The following SRGAP2C variants were observed in gnomAD, a reference collection of about 807,000 sequenced individuals.
SRGAP2C encodes the protein SLIT-ROBO Rho GTPase activating protein 2C, also known as SLIT-ROBO Rho GTPase-activating protein 2C.
In SRGAP2C, 15 loss-of-function variants were observed where a neutral mutation model predicts 25.1. The observed-to-expected ratio is 0.60, with a 90% CI of 0.40 to 0.92. The LOEUF is 0.92. SRGAP2C is among the 40% of genes least tolerant of loss of function. The pLI is 0.00. For missense variants in SRGAP2C, 144 were observed against 264.4 expected (o/e 0.54, Z 3.16); for synonymous variants, 44 against 96.6 (o/e 0.46, Z 3.19).
In SRGAP2C at chr1:121,207,712, G is replaced by A. The variant is rs587729711; in HGVS notation, c.67+20199G>A. Among the ~76,000 whole-genome samples, 49 of 152,246 alleles carry A rather than the reference G, an allele frequency of 3.2e-4. No individual in the cohort carries two copies. The South Asian group carries it at 8.9e-3, about 28-fold the overall frequency. On this transcript the variant is annotated intron_variant, in intron 2 of 9. Transcript: ENST00000367123. ...ATAGGAAATTATATTTCAGATATTG[G>A]CAGTTGAACTTAATGTATTCTATTC...
At chr1:121,266,432 A>C (rs148563796) in intron 2 of SRGAP2C, among the ~76,000 whole-genome samples, 2 of 151,902 alleles carry the variant, frequency 1.3e-5, no homozygotes, top group African/African-American at 4.8e-5. Context: ...TTATTAGCTC[A>C]TCACCCCTAA....
At chr1:121,198,223 C>T (rs1654886220) in intron 2 of SRGAP2C, among the ~76,000 whole-genome samples, 2 of 141,346 alleles carry the variant, frequency 1.4e-5, no homozygotes, top group African/African-American at 2.6e-5. Context: ...GGACATGTTC[C>T]TCCATTTTGG....
At chr1:121,188,188 T>A (rs1553319243) in intron 2 of SRGAP2C, among the ~76,000 whole-genome samples, 1 of 152,176 alleles carries the variant, frequency 6.6e-6, no homozygotes, top group Non-Finnish European at 1.5e-5. Context: ...TTGGTGCTGA[T>A]TCTGGAAAAT....
Position 121,327,172 on chromosome 1 carries a change from C to G in SRGAP2C, c.423+2532C>G, listed in dbSNP as rs1658333234. On this transcript the variant is annotated intron_variant, in intron 4 of 9. Coordinates refer to ENST00000367123, the MANE Select transcript of SRGAP2C (RefSeq NM_001329984.2). ...AAGCACCATGGATCATTCCTGTAATCCCAACAACTCAGGAGGTCAAGGTGG... is the reference window on the plus strand; with the variant it reads ...AAGCACCATGGATCATTCCTGTAATGCCAACAACTCAGGAGGTCAAGGTGG... Among the ~76,000 whole-genome samples the G allele has an allele frequency of 2.2e-5, 3 of 139,116 alleles. No individual in the cohort carries two copies. In the Admixed American group the frequency reaches 2.2e-4, roughly 10 times the overall value. 91.3% of individuals were successfully genotyped at this position (139,116 alleles called of 152,430 possible).
At chr1:121,379,157 G>A (rs1348673907) in intron 7 of SRGAP2C, among the ~76,000 whole-genome samples, 5 of 152,190 alleles carry the variant, frequency 3.3e-5, no homozygotes, top group African/African-American at 1.2e-4. Context: ...AGGGAACTTG[G>A]CTGTTTCAGT....
At chr1:121,249,580 A>ATTTT (rs1159053572) in intron 2 of SRGAP2C, among the ~76,000 whole-genome samples, 21 of 22,362 alleles carry the variant, frequency 9.4e-4, no homozygotes, top group South Asian at 2.9e-3. Context: ...ATATATATAT[A>ATTTT]TTTTTTTTTT....
intron 2 of SRGAP2C, among the ~76,000 whole-genome samples, chr1:121,247,009 GAA>G (rs1656236359): frequency 9.2e-5 from 12 of 130,442 alleles, no homozygotes; most frequent in Admixed American, 4.9e-4. Context: ...GAGGCACTTA[GAA>G]AATTGCTCCT....
chr1:121,279,889 A>C (rs1657202671), intron 2 of SRGAP2C, among the ~76,000 whole-genome samples: 1 of 144,716 alleles, frequency 6.9e-6, no homozygotes, highest in Non-Finnish European at 1.5e-5. Flanking sequence ...TAATTCATAC[A>C]CACGGGGAAA....
chr1:121,242,084 AT>A (rs1179828267), intron 2 of SRGAP2C, among the ~76,000 whole-genome samples: 1 of 122,530 alleles, frequency 8.2e-6, no homozygotes, highest in Non-Finnish European at 1.7e-5. Flanking sequence ...GTTGTGTACT[AT>A]TTTGTCCTTA....
intron 6 of SRGAP2C, among the ~76,000 whole-genome samples, chr1:121,374,583 T>C (rs587729405): frequency 3.8e-4 from 58 of 152,236 alleles, no homozygotes; most frequent in African/African-American, 1.4e-3. Context: ...TGAAGAATGA[T>C]ATTTGAAGAT....
At position 121,186,445 on chromosome 1, in the gene SRGAP2C, G is replaced by A. The variant is rs1654500496; in HGVS notation, c.-542-460G>A. On this transcript the variant is annotated intron_variant, in intron 1 of 9. Coordinates refer to ENST00000367123, the MANE Select transcript of SRGAP2C (RefSeq NM_001329984.2). ...CTAGTAACCAAAAACAAAACAACTG[G>A]GAGGAGGGGCGGGAGAGGAAGAAAA... Among the ~76,000 whole-genome samples, 4 of 101,752 alleles carry A rather than the reference G, an allele frequency of 3.9e-5. 1 individual carries two copies. Among genetic ancestry groups the A allele is most frequent in the Non-Finnish European group, 8.4e-5 (4 of 47,850 alleles). The allele number at this position is 101,752 out of a possible 152,430, so 66.8% of individuals were successfully genotyped here.
At chr1:121,359,659 A>C (rs587629273) in intron 4 of SRGAP2C, among the ~76,000 whole-genome samples, 1 of 152,214 alleles carries the variant, frequency 6.6e-6, no homozygotes, top group African/African-American at 2.4e-5. Flanking sequence ...TCCCAGCTAC[A>C]TGGGAAGCTG....
chr1:121,377,435 AT>A (rs1659697405), intron 7 of SRGAP2C, among the ~76,000 whole-genome samples: 3 of 59,872 alleles, frequency 5.0e-5, no homozygotes, highest in Admixed American at 1.8e-4. Context: ...CGCCCAGCTA[AT>A]TTTTTGTATT....
In SRGAP2C at chr1:121,378,712, G is replaced by A. The variant is rs1357770482; in HGVS notation, c.831+3758G>A. 3.9e-5 allele frequency among the ~76,000 whole-genome samples: 6 copies of A among 152,210 alleles called. No homozygotes were observed. In the South Asian group the frequency reaches 8.3e-4, roughly 21 times the overall value. On this transcript the variant is annotated intron_variant, in intron 7 of 9. Coordinates refer to ENST00000367123, the MANE Select transcript of SRGAP2C (RefSeq NM_001329984.2). ...ATCCTGTTGCAGTCCATTGCCATCT[G>A]TGTCATGTACAGCCTTCTGCCTCCT...
intron 7 of SRGAP2C, 150 bp downstream of exon 7, chr1:121,375,104 G>A (rs587716476): frequency 1.0e-4 from 61 of 600,228 alleles, no homozygotes; most frequent in East Asian, 7.5e-4. Context: ...TGCTTGCCAA[G>A]CACCATGTGA....
In SRGAP2C at chr1:121,365,335, G is replaced by C; in HGVS notation, c.466G>C (p.Val156Leu). 2.3e-6 allele frequency: 1 copy of C among 433,334 alleles called. No homozygotes were observed. The highest frequency in any genetic ancestry group is 4.0e-6 in the Non-Finnish European group (1 of 249,270). 26.8% of individuals were successfully genotyped at this position (433,334 alleles called of 1,614,324 possible). ...GCAGCTCCAAGATGATTTGATGAAG[G>C]TCCTGAACGAGCTCTACTCGGTAAA... ...GQQLQDDLMK[V>L]LNELYSVMKT... Residue 156 changes from valine (V) to leucine (L), a missense_variant, in exon 5 of 10, where the codon GTC becomes CTC. This residue lies in a region of SRGAP2C where 26 missense variants were observed against 67.3 expected (regional missense o/e 0.39). Transcript: ENST00000367123.
At chr1:121,212,342 G>A (rs1553323975) in intron 2 of SRGAP2C, among the ~76,000 whole-genome samples, 1 of 151,542 alleles carries the variant, frequency 6.6e-6, no homozygotes, top group Non-Finnish European at 1.5e-5. Context: ...ATATTGGCCA[G>A]GCTGGTCTCA....
intron 2 of SRGAP2C, among the ~76,000 whole-genome samples, chr1:121,222,688 A>C (rs1284658537): frequency 1.3e-5 from 2 of 152,232 alleles, no homozygotes; most frequent in Admixed American, 1.3e-4. Context: ...AGAGAAGAAG[A>C]GAAAGAAACT....
At chr1:121,202,328 C>T (rs587721691) in intron 2 of SRGAP2C, among the ~76,000 whole-genome samples, 1 of 152,232 alleles carries the variant, frequency 6.6e-6, no homozygotes, top group East Asian at 1.9e-4. Context: ...CTGTCCCCTC[C>T]CCTCCTCACT....
Sources: gnomAD v4.1 joint callset for allele counts (sites outside exome capture counted in the v4.1 genomes callset) on GRCh38, gnomAD v4.1.1 for gene constraint, gnomAD v4.1.1 regional missense constraint, MANE v1.5 for transcripts, NCBI Gene and HGNC (gene_info 2026-07-23, HGNC 2026-07-21) for gene names.